Variants in EHBP1 observed in about 807,000 individuals in gnomAD.
EHBP1 encodes the protein EH domain binding protein 1.
EHBP1 carries 55 observed loss-of-function variants against 144.0 expected under a neutral mutation model. The ratio of observed to expected loss-of-function variants is 0.38; its 90% CI spans 0.31 to 0.48. EHBP1 has a LOEUF of 0.48. Ranked by LOEUF, EHBP1 falls within the 20% of genes least tolerant of loss-of-function variation. EHBP1 has a pLI of 0.98. For synonymous variants in EHBP1, 469 were observed against 472.7 expected (o/e 0.99, Z 0.10); for missense variants, 1,200 against 1,364.2 (o/e 0.88, Z 1.90).
At chr2:62,990,613 C>T in intron 15 of EHBP1, 103 bp from the exon 16 acceptor site, 1 of 1,242,142 alleles carries the variant, frequency 8.1e-7, no homozygotes, top group Non-Finnish European at 1.1e-6. Context: ...TTTCTTCTTT[C>T]TTTTAAAATA....
intron 1 of EHBP1, among the ~76,000 whole-genome samples, chr2:62,688,567 A>T (rs2033796046): frequency 6.6e-6 from 1 of 152,084 alleles, no homozygotes; most frequent in Non-Finnish European, 1.5e-5. Flanking sequence ...ACTAAAACTT[A>T]TTCCTTCTAT....
intron 3 of EHBP1, among the ~76,000 whole-genome samples, chr2:62,752,838 A>C (rs1326091799): frequency 2.0e-5 from 3 of 150,594 alleles, no homozygotes; most frequent in African/African-American, 4.9e-5. Context: ...GCCTTTTTTT[A>C]TTTTCCATTT....
At chr2:62,963,004 C>T (rs1007050796) in intron 14 of EHBP1, among the ~76,000 whole-genome samples, 3 of 152,180 alleles carry the variant, frequency 2.0e-5, no homozygotes, top group African/African-American at 7.2e-5. Flanking sequence ...TGCAGGTTAG[C>T]AGCAAGTCCT....
chr2:62,982,291 G>T (rs1017970235), intron 15 of EHBP1, among the ~76,000 whole-genome samples: 2 of 152,212 alleles, frequency 1.3e-5, no homozygotes, highest in Non-Finnish European at 2.9e-5. Flanking sequence ...TGTGCTGTCT[G>T]TCCCAGCTAC....
rs186389022 is a variant in EHBP1 at position 62,919,102 on chromosome 2, G to A, written c.1186-23616G>A. On this transcript the variant is annotated intron_variant, in intron 10 of 22. Transcript: ENST00000431489. ...CTTGCACAGAGCTTGTAGAAGCCAAGGTGGGAAATAAGGACCTTATCTTTC... is the reference window on the plus strand; with the variant it reads ...CTTGCACAGAGCTTGTAGAAGCCAAAGTGGGAAATAAGGACCTTATCTTTC... Among the ~76,000 whole-genome samples, 353 of 152,300 alleles carry A rather than the reference G, an allele frequency of 2.3e-3. 3 individuals are homozygous for A. The highest frequency in any genetic ancestry group is 0.017 in the Middle Eastern group (5 of 294).
intron 10 of EHBP1, among the ~76,000 whole-genome samples, chr2:62,926,588 A>G (rs909277372): frequency 7.2e-5 from 11 of 152,184 alleles, no homozygotes; most frequent in Non-Finnish European, 8.8e-5. Context: ...CATGTCCAAC[A>G]TTACTAATCA....
intron 19 of EHBP1, among the ~76,000 whole-genome samples, chr2:63,032,423 C>G (rs935581210): frequency 2.6e-5 from 4 of 151,494 alleles, no homozygotes; most frequent in Admixed American, 2.0e-4. Flanking sequence ...AAAAAATTAG[C>G]TGGGCGTGCT....
At chr2:62,824,726 A>T (rs892798902) in intron 5 of EHBP1, among the ~76,000 whole-genome samples, 1 of 152,004 alleles carries the variant, frequency 6.6e-6, no homozygotes, top group Non-Finnish European at 1.5e-5. Flanking sequence ...ATAAGGCCAC[A>T]TTTTAAAACA....
At chr2:63,017,038 CT>C (rs1355379834) in intron 19 of EHBP1, among the ~76,000 whole-genome samples, 3 of 152,204 alleles carry the variant, frequency 2.0e-5, no homozygotes, top group African/African-American at 7.2e-5. Flanking sequence ...GGGACCCTGA[CT>C]GGGGGAATGA....
chr2:62,753,822 A>T (rs181520361), intron 3 of EHBP1, among the ~76,000 whole-genome samples: 1 of 152,120 alleles, frequency 6.6e-6, no homozygotes, highest in Admixed American at 6.5e-5. Flanking sequence ...CGTAGTTCTC[A>T]TGCCATGGTT....
At chr2:62,736,084 G>T (rs2038090823) in intron 2 of EHBP1, among the ~76,000 whole-genome samples, 2 of 151,154 alleles carry the variant, frequency 1.3e-5, no homozygotes, top group East Asian at 1.9e-4. Context: ...AGTCATTATT[G>T]TTTCAAATAT....
chr2:62,677,939 AAGTTGGG>A (rs2033365307), intron 1 of EHBP1, among the ~76,000 whole-genome samples: 1 of 152,190 alleles, frequency 6.6e-6, no homozygotes, highest in African/African-American at 2.4e-5. Flanking sequence ...TGCTGCAATA[AAGTTGGG>A]AGTACAGATA....
At chr2:62,885,898 C>T (rs1440360657) in intron 10 of EHBP1, among the ~76,000 whole-genome samples, 1 of 152,190 alleles carries the variant, frequency 6.6e-6, no homozygotes, top group Non-Finnish European at 1.5e-5. Flanking sequence ...GAAACCCTAT[C>T]TGTATCTTAT....
At chr2:62,898,605 C>A (rs900572139) in intron 10 of EHBP1, among the ~76,000 whole-genome samples, 3 of 152,178 alleles carry the variant, frequency 2.0e-5, no homozygotes, top group Non-Finnish European at 4.4e-5. Flanking sequence ...CACCCCTTTT[C>A]TCCAATCACT....
chr2:63,023,194 T>A (rs1201095082), intron 19 of EHBP1, among the ~76,000 whole-genome samples: 1 of 152,064 alleles, frequency 6.6e-6, no homozygotes, highest in Non-Finnish European at 1.5e-5. Context: ...TAGTAATAAA[T>A]CAGATATTTT....
chr2:62,689,753 T>C (rs969110562), intron 1 of EHBP1, among the ~76,000 whole-genome samples: 2 of 152,234 alleles, frequency 1.3e-5, no homozygotes, highest in Non-Finnish European at 2.9e-5. Flanking sequence ...ATTACATTAT[T>C]ATCAAATTCT....
chr2:62,804,515 G>A (rs765358507), intron 5 of EHBP1, among the ~76,000 whole-genome samples: 2 of 152,092 alleles, frequency 1.3e-5, no homozygotes, highest in African/African-American at 2.4e-5. Context: ...TTAAATCGGT[G>A]GGTAAAGAAA....
chr2:62,948,088 T>A (rs1039797513), intron 12 of EHBP1, among the ~76,000 whole-genome samples, 172 bp from the exon 13 acceptor site: 1 of 152,226 alleles, frequency 6.6e-6, no homozygotes, highest in East Asian at 1.9e-4. Context: ...CTTTTTTCTC[T>A]TGCCTCTCCC....
intron 9 of EHBP1, among the ~76,000 whole-genome samples, chr2:62,870,501 G>A (rs991274566): frequency 3.6e-4 from 54 of 151,038 alleles, no homozygotes; most frequent in African/African-American, 1.2e-3. Flanking sequence ...GATCACCTGA[G>A]GTCAGGAGTT....
Sources: allele counts gnomAD v4.1 joint callset (sites outside exome capture counted in the v4.1 genomes callset), GRCh38; gene constraint gnomAD v4.1.1; transcripts MANE v1.5; gene names NCBI Gene and HGNC (gene_info 2026-07-23, HGNC 2026-07-21).